The following TECPR2 variants were observed in gnomAD, a reference collection of about 807,000 sequenced individuals.
TECPR2 encodes tectonin beta-propeller repeat containing 2, also known as tectonin beta-propeller repeat-containing protein 2.
TECPR2 carries 65 observed loss-of-function variants against 138.1 expected under a neutral mutation model. The ratio of observed to expected loss-of-function variants is 0.47; its 90% CI spans 0.39 to 0.58. The LOEUF is 0.58. TECPR2 is among the 20% of genes least tolerant of loss of function. TECPR2 has a pLI of 0.00. For missense variants in TECPR2, 1,553 were observed against 1,824.5 expected, an observed-to-expected ratio of 0.85 and a Z score of 2.71; for synonymous variants, 746 against 749.8, an observed-to-expected ratio of 0.99 and a Z score of 0.08.
intron 17 of TECPR2, among the ~76,000 whole-genome samples, chr14:102,475,338 C>T (rs1485197808): frequency 2.0e-5 from 3 of 152,116 alleles, no homozygotes; most frequent in Non-Finnish European, 2.9e-5. Context: ...TGGCACAGGC[C>T]GGGGCAGGGA....
chr14:102,391,437 T>G (rs1023696210), intron 2 of TECPR2, among the ~76,000 whole-genome samples: 1 of 152,054 alleles, frequency 6.6e-6, no homozygotes, highest in Non-Finnish European at 1.5e-5. Context: ...CATCTCAATG[T>G]TAGGAGAGTG....
At chr14:102,480,231 A>G (rs1002543425) in intron 17 of TECPR2, among the ~76,000 whole-genome samples, 2 of 113,338 alleles carry the variant, frequency 1.8e-5, no homozygotes, top group African/African-American at 5.9e-5. Context: ...TTTTTTTTTT[A>G]TTGATTTATT....
chr14:102,421,615 G>C (rs947411120), intron 5 of TECPR2, among the ~76,000 whole-genome samples: 1 of 152,200 alleles, frequency 6.6e-6, no homozygotes, highest in African/African-American at 2.4e-5. Context: ...GCCGAGGTCT[G>C]GTGGGGAAGC....
intron 16 of TECPR2, among the ~76,000 whole-genome samples, chr14:102,455,743 C>T (rs534049081): frequency 1.3e-5 from 2 of 152,334 alleles, no homozygotes; most frequent in African/African-American, 4.8e-5. Flanking sequence ...TCCCGAGTAG[C>T]TGAGATTACA....
chr14:102,427,786 G>T (rs1182912986), intron 6 of TECPR2, among the ~76,000 whole-genome samples: 5 of 152,346 alleles, frequency 3.3e-5, no homozygotes, highest in African/African-American at 1.2e-4. Context: ...TTTGGATGAG[G>T]TGCTGCAAGC....
At chr14:102,382,293 CAA>C (rs538495477) in intron 2 of TECPR2, among the ~76,000 whole-genome samples, 1 of 131,252 alleles carries the variant, frequency 7.6e-6, no homozygotes, top group African/African-American at 2.8e-5. Context: ...AACTCCGTCC[CAA>C]AAAAAAAAAA....
At chr14:102,401,804 C>CAAAAAAAAAAA (rs34413626) in intron 2 of TECPR2, among the ~76,000 whole-genome samples, 1 of 68,954 alleles carries the variant, frequency 1.5e-5, no homozygotes, top group Non-Finnish European at 2.6e-5. Context: ...GACTCCGTCT[C>CAAAAAAAAAAA]AAAAAAAAAA....
intron 1 of TECPR2, among the ~76,000 whole-genome samples, chr14:102,367,284 A>T (rs1312248809): frequency 6.6e-6 from 1 of 152,220 alleles, no homozygotes; most frequent in African/African-American, 2.4e-5. Flanking sequence ...CATGCCACAC[A>T]GTTCACCCAT....
chr14:102,443,614 T>C lies in TECPR2; in HGVS notation c.2753-33T>C. 1 of 1,497,168 alleles carries C rather than the reference T, an allele frequency of 6.7e-7. No homozygotes were observed. Among genetic ancestry groups the C allele is most frequent in the Non-Finnish European group, 9.0e-7 (1 of 1,107,966 alleles). 92.7% of individuals were successfully genotyped at this position (1,497,168 alleles called of 1,614,324 possible). A position where few individuals can be genotyped will look rare whatever the true frequency, so the allele number is the denominator to read the frequency against. ...AATGAGGTGTGGAGTTCTGACTGTG[T>C]GTCTTTGGGGCTTCTTCCCATCTTC... On this transcript the variant is annotated intron_variant, in intron 11 of 19. Transcript: ENST00000359520. The surrounding 1 kb of genome is among the most constrained non-coding windows in gnomAD (Gnocchi z 4.9).
At chr14:102,491,888 C>T (rs1891168073) in intron 17 of TECPR2, among the ~76,000 whole-genome samples, 1 of 152,200 alleles carries the variant, frequency 6.6e-6, no homozygotes, top group Non-Finnish European at 1.5e-5. Context: ...TGAGGTTTCC[C>T]CAAAACCCAG....
chr14:102,430,198 T>TC (rs529192949), intron 7 of TECPR2, among the ~76,000 whole-genome samples: 5 of 152,236 alleles, frequency 3.3e-5, no homozygotes, highest in Admixed American at 6.5e-5. Context: ...GGTCTCGAAC[T>TC]CCTGAGCTCA....
In TECPR2 at chr14:102,384,806, A is replaced by G. The variant is rs147940221; in HGVS notation, c.219+7866A>G. On this transcript the variant is annotated intron_variant, in intron 2 of 19. Transcript: ENST00000359520. ...GTCACATGGCAAGAGAGGAAGCAAG[A>G]CAGGAACCAAGGATGCCAGACTCAT... Among the ~76,000 whole-genome samples, 7 of 148,004 alleles carry G rather than the reference A, an allele frequency of 4.7e-5. No homozygotes were observed. In the East Asian group the frequency reaches 1.2e-3, roughly 25 times the overall value.
At chr14:102,477,623 T>C (rs181358561) in intron 17 of TECPR2, among the ~76,000 whole-genome samples, 2,008 of 142,320 alleles carry the variant, frequency 0.014, 20 homozygotes, top group Middle Eastern at 0.025. Flanking sequence ...CGATCTCGGC[T>C]CACTGCAAGC....
intron 7 of TECPR2, 65 bp downstream of exon 7, chr14:102,428,447 T>C: frequency 6.3e-7 from 1 of 1,589,708 alleles, no homozygotes; most frequent in Non-Finnish European, 8.5e-7. Flanking sequence ...TTGTTTGTAA[T>C]TGCAGTTAAT....
At chr14:102,474,674 A>G (rs1057026132) in intron 17 of TECPR2, among the ~76,000 whole-genome samples, 4 of 152,156 alleles carry the variant, frequency 2.6e-5, no homozygotes, top group Admixed American at 6.5e-5. Context: ...AAAATTTACC[A>G]TGTTTTCCCA....
At chr14:102,457,875 T>TTTTTTC (rs1890312372) in intron 16 of TECPR2, among the ~76,000 whole-genome samples, 1 of 143,270 alleles carries the variant, frequency 7.0e-6, no homozygotes, top group Non-Finnish European at 1.5e-5. Flanking sequence ...TTCCCTTTTT[T>TTTTTTC]TTTTTTTTTT....
chr14:102,413,550 T>A (rs1414897186), intron 4 of TECPR2, among the ~76,000 whole-genome samples: 2 of 151,708 alleles, frequency 1.3e-5, no homozygotes, highest in African/African-American at 4.8e-5. Context: ...AGCTAAATTT[T>A]GTATTTTTAG....
intron 4 of TECPR2, among the ~76,000 whole-genome samples, chr14:102,414,422 C>A (rs1888965722): frequency 6.6e-6 from 1 of 152,210 alleles, no homozygotes; most frequent in Non-Finnish European, 1.5e-5. Flanking sequence ...CTGGATGCAG[C>A]ATGAGGGAGA....
At chr14:102,497,980 T>G in intron 19 of TECPR2, 123 bp from the exon 20 acceptor site, 1 of 1,163,438 alleles carries the variant, frequency 8.6e-7, no homozygotes, top group Non-Finnish European at 1.2e-6. Flanking sequence ...GATGGTGGCT[T>G]GTCCAGTGTC....
Sources: allele counts gnomAD v4.1 joint callset (sites outside exome capture counted in the v4.1 genomes callset), GRCh38; gene constraint gnomAD v4.1.1; non-coding constraint Gnocchi (gnomAD v3.1); transcripts MANE v1.5; gene names NCBI Gene and HGNC (gene_info 2026-07-23, HGNC 2026-07-21).